Variants in MED13L observed in about 807,000 individuals in gnomAD.
The protein encoded by MED13L is mediator of RNA polymerase II transcription subunit 13-like.
A neutral mutation model predicts 220.9 loss-of-function variants in MED13L; 7 were observed. The observed-to-expected ratio is 0.03, with a 90% CI of 0.02 to 0.06. MED13L has a LOEUF of 0.06. Among genes scored for constraint, MED13L ranks in the 10% least tolerant of loss-of-function variants. The pLI is 1.00. For synonymous variants in MED13L, 1,011 were observed against 1,015.2 expected (o/e 1.00, Z 0.08); for missense variants, 1,965 against 2,760.5 (o/e 0.71, Z 6.46).
intron 2 of MED13L, among the ~76,000 whole-genome samples, chr12:116,116,623 G>T (rs1874544273): frequency 6.6e-6 from 1 of 151,932 alleles, no homozygotes. Context: ...TAGCCAATTG[G>T]TCAGAAGCTT....
intron 2 of MED13L, among the ~76,000 whole-genome samples, chr12:116,198,478 A>G (rs1565924224): frequency 6.6e-6 from 1 of 152,092 alleles, no homozygotes; most frequent in African/African-American, 2.4e-5. Flanking sequence ...ACTTTCATCA[A>G]TCCCAAACTG....
At chr12:116,231,077 T>A (rs1869513551) in intron 2 of MED13L, among the ~76,000 whole-genome samples, 1 of 152,212 alleles carries the variant, frequency 6.6e-6, no homozygotes, top group African/African-American at 2.4e-5. Context: ...GACTTAAAAA[T>A]GCAGTCTTCA....
At chr12:116,186,560 A>T (rs1880918242) in intron 2 of MED13L, among the ~76,000 whole-genome samples, 1 of 152,212 alleles carries the variant, frequency 6.6e-6, no homozygotes, top group Non-Finnish European at 1.5e-5. Flanking sequence ...TGAGGTAGGC[A>T]TGTGACACTA....
Position 116,078,780 on chromosome 12 carries a change from G to A in MED13L, c.479+17889C>T, listed in dbSNP as rs116529509. Among the ~76,000 whole-genome samples the A allele has an allele frequency of 7.6e-3, 1,159 of 152,128 alleles. 10 individuals are homozygous for A. Among genetic ancestry groups the A allele is most frequent in the African/African-American group, 0.027 (1,119 of 41,466 alleles). On this transcript the variant is annotated intron_variant, in intron 4 of 30. Coordinates refer to ENST00000281928, the MANE Select transcript of MED13L (RefSeq NM_015335.5). ...CACCTGCCCCTCCTAAAAGTAAAATGCATACAAACCACATCTACTTTGAAA... is the reference window on the plus strand; with the variant it reads ...CACCTGCCCCTCCTAAAAGTAAAATACATACAAACCACATCTACTTTGAAA...
intron 1 of MED13L, among the ~76,000 whole-genome samples, chr12:116,257,099 A>T (rs1039995211): frequency 2.0e-5 from 3 of 152,244 alleles, no homozygotes; most frequent in African/African-American, 7.2e-5. Flanking sequence ...ACTTCAGGAC[A>T]CTGATTAAAT....
At chr12:116,198,761 T>C (rs1302303706) in intron 2 of MED13L, among the ~76,000 whole-genome samples, 1 of 152,210 alleles carries the variant, frequency 6.6e-6, no homozygotes, top group African/African-American at 2.4e-5. Flanking sequence ...ATCTTATGAC[T>C]TGCCCTCCAC....
intron 9 of MED13L, among the ~76,000 whole-genome samples, chr12:116,009,890 G>A (rs1879287584): frequency 6.6e-6 from 1 of 152,158 alleles, no homozygotes; most frequent in Admixed American, 6.5e-5. Context: ...ATGATGCCAA[G>A]GTTTAATCTG....
chr12:116,200,675 C>T (rs933850255), intron 2 of MED13L, among the ~76,000 whole-genome samples: 1 of 152,196 alleles, frequency 6.6e-6, no homozygotes, highest in Admixed American at 6.5e-5. Context: ...AGCAGTAGTA[C>T]ACTAAGTCTA....
At chr12:116,001,934 A>T (rs944947164) in intron 14 of MED13L, among the ~76,000 whole-genome samples, 1 of 152,204 alleles carries the variant, frequency 6.6e-6, no homozygotes, top group Non-Finnish European at 1.5e-5. Context: ...CAGACATTCT[A>T]ACATTTCACA....
At chr12:115,972,622 A>G (rs1355543571) in intron 25 of MED13L, among the ~76,000 whole-genome samples, 1 of 152,180 alleles carries the variant, frequency 6.6e-6, no homozygotes, top group Non-Finnish European at 1.5e-5. Context: ...GCTCTGGAGG[A>G]AAGCACTGGC....
rs769041678 is a variant in MED13L, at chr12:116,215,398, C to T, written c.310+22070G>A. On this transcript the variant is annotated intron_variant, in intron 2 of 30. Transcript: ENST00000281928. Reference sequence around the variant, plus strand: ...AAGGAATTAAGCCAAAGAAGTGTTACACAGTGTGGTTCCTATCTATCTTTC... The same window carrying T: ...AAGGAATTAAGCCAAAGAAGTGTTATACAGTGTGGTTCCTATCTATCTTTC... 2.3e-3 allele frequency among the ~76,000 whole-genome samples: 350 copies of T among 152,314 alleles called. 3 individuals carry two copies. Among genetic ancestry groups the T allele is most frequent in the Non-Finnish European group, 2.1e-3 (144 of 68,016 alleles).
At chr12:116,170,617 T>G (rs913212001) in intron 2 of MED13L, among the ~76,000 whole-genome samples, 4 of 150,968 alleles carry the variant, frequency 2.6e-5, no homozygotes, top group South Asian at 4.2e-4. Flanking sequence ...TGTTTTTTTT[T>G]TTTTTTTAAG....
intron 1 of MED13L, among the ~76,000 whole-genome samples, chr12:116,251,192 G>A (rs1871518580): frequency 6.8e-6 from 1 of 146,420 alleles, no homozygotes; most frequent in African/African-American, 2.5e-5. Context: ...CAATAGGGAG[G>A]AAAACAAAAA....
intron 2 of MED13L, among the ~76,000 whole-genome samples, chr12:116,136,928 A>C (rs1035158181): frequency 6.6e-6 from 1 of 152,226 alleles, no homozygotes; most frequent in Non-Finnish European, 1.5e-5. Context: ...AACCACACCA[A>C]TTATTTTAAG....
At chr12:116,176,761 A>G (rs1234543848) in intron 2 of MED13L, among the ~76,000 whole-genome samples, 1 of 151,942 alleles carries the variant, frequency 6.6e-6, no homozygotes, top group Non-Finnish European at 1.5e-5. Context: ...AAAATAGAAA[A>G]CAGATGAAAC....
intron 4 of MED13L, among the ~76,000 whole-genome samples, chr12:116,025,602 T>C (rs1411565003): frequency 2.6e-5 from 4 of 152,222 alleles, no homozygotes; most frequent in Admixed American, 6.5e-5. Context: ...GAGGACATTA[T>C]GTTAAGTGAA....
chr12:116,205,661 G>A (rs1181307762), intron 2 of MED13L, among the ~76,000 whole-genome samples: 1 of 151,802 alleles, frequency 6.6e-6, no homozygotes, highest in African/African-American at 2.4e-5. Flanking sequence ...GTTACAAACA[G>A]AATGATTAAA....
chr12:116,206,840 G>A (rs1346923659), intron 2 of MED13L, among the ~76,000 whole-genome samples: 1 of 151,984 alleles, frequency 6.6e-6, no homozygotes, highest in Non-Finnish European at 1.5e-5. Context: ...TTGTAGATTT[G>A]ACTTTGGAAC....
chr12:116,270,378 G>A (rs1038163361), intron 1 of MED13L, among the ~76,000 whole-genome samples: 9 of 152,002 alleles, frequency 5.9e-5, no homozygotes, highest in Admixed American at 3.9e-4. Context: ...TCCTGACCTC[G>A]TGATCCGCCT....
Sources: allele counts gnomAD v4.1 joint callset (sites outside exome capture counted in the v4.1 genomes callset), GRCh38; gene constraint gnomAD v4.1.1; transcripts MANE v1.5; gene names NCBI Gene and HGNC (gene_info 2026-07-23, HGNC 2026-07-21).